DIP2B: variants seen among roughly 807,000 people sequenced by gnomAD.
DIP2B encodes DIP2 acetate--CoA ligase B (putative), also known as disco-interacting protein 2 homolog B.
Under a neutral mutation model 198.0 loss-of-function variants are expected in DIP2B, and 76 were observed. The observed-to-expected ratio is 0.38, with a 90% CI of 0.32 to 0.46. The LOEUF (loss-of-function observed/expected upper bound fraction) is 0.46, where lower values mean the gene tolerates loss of function less well. Ranked by LOEUF, DIP2B falls within the 20% of genes least tolerant of loss-of-function variation. The pLI, the probability that DIP2B is intolerant of heterozygous loss-of-function variation, is 0.99. For missense variants in DIP2B, 1,559 were observed against 1,978.4 expected (o/e 0.79, Z 4.02); for synonymous variants, 701 against 739.1 (o/e 0.95, Z 0.84).
chr12:50,511,872 C>G (rs1434027114), intron 1 of DIP2B, among the ~76,000 whole-genome samples: 1 of 138,082 alleles, frequency 7.2e-6, no homozygotes, highest in East Asian at 2.2e-4. Context: ...TGCTTGAACT[C>G]AGGAGGCAGA....
chr12:50,656,620 G>A (rs2139507292), intron 3 of DIP2B, among the ~76,000 whole-genome samples: 1 of 152,226 alleles, frequency 6.6e-6, no homozygotes, highest in South Asian at 2.1e-4. Context: ...CACCCAGGCG[G>A]GAGTGCAGTG....
chr12:50,747,617 T>C lies in DIP2B; in HGVS notation c.*2778T>C, dbSNP rs1167308425. On this transcript the variant is annotated 3_prime_UTR_variant, in exon 38 of 38. Transcript: ENST00000301180. Reference sequence around the variant, plus strand: ...GTGCTCCTACTCTATCCACATTAAGTAGCACTTTTGTGGTAGAACTGATTC... The same window carrying C: ...GTGCTCCTACTCTATCCACATTAAGCAGCACTTTTGTGGTAGAACTGATTC... 2.0e-5 allele frequency: 3 copies of C among 152,246 alleles called. No individual in the cohort carries two copies. Among genetic ancestry groups the C allele is most frequent in the African/African-American group, 7.2e-5 (3 of 41,464 alleles). 9.4% of individuals were successfully genotyped at this position (152,246 alleles called of 1,614,324 possible).
chr12:50,715,527 C>T (rs943765595), intron 23 of DIP2B, among the ~76,000 whole-genome samples: 2 of 152,146 alleles, frequency 1.3e-5, no homozygotes, highest in African/African-American at 4.8e-5. Context: ...TTGTCCTAAA[C>T]AAGTGAGACC....
chr12:50,505,464 G>A (rs1957958856), intron 1 of DIP2B, among the ~76,000 whole-genome samples: 1 of 152,168 alleles, frequency 6.6e-6, no homozygotes, highest in Admixed American at 6.5e-5. Flanking sequence ...AAGGGCTTGT[G>A]GAAAGGTCCT....
chr12:50,709,702 T>G (rs888325808), intron 22 of DIP2B, among the ~76,000 whole-genome samples: 7 of 151,782 alleles, frequency 4.6e-5, no homozygotes, highest in Admixed American at 4.6e-4. Flanking sequence ...CTTGGAAGGC[T>G]GAGGTGGGAG....
chr12:50,529,661 G>A (rs368747432), intron 1 of DIP2B, among the ~76,000 whole-genome samples: 1 of 152,080 alleles, frequency 6.6e-6, no homozygotes, highest in South Asian at 2.1e-4. Flanking sequence ...GCTTCCCAAT[G>A]GGGATTTGTA....
At chr12:50,619,815 G>T (rs963566562) in intron 1 of DIP2B, among the ~76,000 whole-genome samples, 10 of 152,166 alleles carry the variant, frequency 6.6e-5, no homozygotes, top group Admixed American at 5.9e-4. Flanking sequence ...CCAACACTTT[G>T]GGAGGCCAAG....
At chr12:50,577,324 G>T (rs1958671324) in intron 1 of DIP2B, among the ~76,000 whole-genome samples, 1 of 152,000 alleles carries the variant, frequency 6.6e-6, no homozygotes, top group Admixed American at 6.6e-5. Context: ...GAGGTCAGGA[G>T]ATCGAGACCA....
intron 7 of DIP2B, among the ~76,000 whole-genome samples, chr12:50,676,215 T>C (rs907754868): frequency 1.3e-5 from 2 of 152,224 alleles, no homozygotes; most frequent in African/African-American, 2.4e-5. Flanking sequence ...GTGATGACGA[T>C]AGATCTAGAC....
At chr12:50,650,366 A>G (rs572081136) in intron 3 of DIP2B, among the ~76,000 whole-genome samples, 1 of 152,368 alleles carries the variant, frequency 6.6e-6, no homozygotes, top group Admixed American at 6.5e-5. Flanking sequence ...GTTTTTAAGT[A>G]TACGTTACCG....
intron 1 of DIP2B, among the ~76,000 whole-genome samples, chr12:50,578,392 G>C (rs1958682377): frequency 6.6e-6 from 1 of 151,812 alleles, no homozygotes; most frequent in South Asian, 2.1e-4. Context: ...TGGTTATTTG[G>C]AAAATAGTTA....
intron 1 of DIP2B, among the ~76,000 whole-genome samples, chr12:50,531,242 G>T (rs998558873): frequency 6.6e-6 from 1 of 152,106 alleles, no homozygotes; most frequent in Admixed American, 6.5e-5. Context: ...TAGAGATGGG[G>T]TTTCACCATG....
Position 50,708,534 on chromosome 12 carries a change from G to C in DIP2B, c.2621G>C (p.Ser874Thr). Residue 874 changes from serine to threonine, a missense_variant, in exon 22 of 38, where the codon AGT becomes ACT. Coordinates refer to ENST00000301180, the MANE Select transcript of DIP2B (RefSeq NM_173602.3). Reference sequence around the variant, plus strand: ...AGACCTGATGCTTCTGAGGAAGATAGTTTCCAGTGGATGAGCCGCGTGCTG... The same window carrying C: ...AGACCTGATGCTTCTGAGGAAGATACTTTCCAGTGGATGAGCCGCGTGCTG... ...EQRPDASEED[S>T]FQWMSRVLQA... 1.9e-6 allele frequency: 3 copies of C among 1,603,358 alleles called. No individual in the cohort carries two copies. Among genetic ancestry groups the C allele is most frequent in the Non-Finnish European group, 2.6e-6 (3 of 1,174,324 alleles).
intron 1 of DIP2B, among the ~76,000 whole-genome samples, chr12:50,625,587 T>C (rs1937918291): frequency 6.6e-6 from 1 of 152,196 alleles, no homozygotes; most frequent in Admixed American, 6.5e-5. Context: ...TATAAGTGAA[T>C]ACCTCAGAAA....
intron 1 of DIP2B, among the ~76,000 whole-genome samples, chr12:50,584,540 T>C (rs559823869): frequency 6.6e-6 from 1 of 152,334 alleles, no homozygotes; most frequent in East Asian, 1.9e-4. Flanking sequence ...GAGTGTTCTA[T>C]TAAAAATGTA....
chr12:50,514,974 A>C (rs769141415), intron 1 of DIP2B, among the ~76,000 whole-genome samples: 54 of 151,504 alleles, frequency 3.6e-4, no homozygotes, highest in African/African-American at 1.3e-3. Context: ...CTTTAAAAAA[A>C]ACACACACAA....
intron 37 of DIP2B, 139 bp downstream of exon 37, chr12:50,741,678 T>A: frequency 8.2e-7 from 1 of 1,222,730 alleles, no homozygotes; most frequent in Non-Finnish European, 1.1e-6. Flanking sequence ...ATAGACTGAT[T>A]CTTGTCTTGG....
intron 7 of DIP2B, among the ~76,000 whole-genome samples, chr12:50,675,854 C>T (rs1051142257): frequency 1.3e-5 from 2 of 152,208 alleles, no homozygotes; most frequent in African/African-American, 4.8e-5. Context: ...CCAATCAATA[C>T]ATATTTCTGC....
intron 31 of DIP2B, 126 bp from the exon 32 acceptor site, chr12:50,732,240 G>A (rs1940055828): frequency 2.0e-6 from 2 of 1,001,652 alleles, no homozygotes; most frequent in Admixed American, 2.5e-5. Flanking sequence ...TTTTTTCTCT[G>A]TGTGCCTGAG....
Sources: allele counts gnomAD v4.1 joint callset (sites outside exome capture counted in the v4.1 genomes callset), GRCh38; gene constraint gnomAD v4.1.1; transcripts MANE v1.5; gene names NCBI Gene and HGNC (gene_info 2026-07-23, HGNC 2026-07-21).